Variants in PSIP1 observed in about 807,000 individuals in gnomAD.
PSIP1 encodes the protein PC4 and SFRS1-interacting protein.
Under a neutral mutation model 74.7 loss-of-function variants are expected in PSIP1, and 19 were observed. The ratio of observed to expected loss-of-function variants is 0.25; its 90% CI spans 0.18 to 0.37. PSIP1 has a LOEUF of 0.37. Ranked by LOEUF, PSIP1 falls within the 10% of genes least tolerant of loss-of-function variation. The pLI is 1.00. For missense variants in PSIP1, 601 were observed against 614.3 expected, an observed-to-expected ratio of 0.98 and a Z score of 0.23; for synonymous variants, 222 against 195.3, an observed-to-expected ratio of 1.14 and a Z score of -1.14.
At chr9:15,482,088 G>C (rs1454843535) in intron 6 of PSIP1, among the ~76,000 whole-genome samples, 1 of 151,764 alleles carries the variant, frequency 6.6e-6, no homozygotes, top group East Asian at 1.9e-4. Context: ...CCCCTTTCTA[G>C]CTCTACCAGC....
chr9:15,510,600 C>A (rs951726721), intron 1 of PSIP1, among the ~76,000 whole-genome samples: 1 of 152,042 alleles, frequency 6.6e-6, no homozygotes, highest in Non-Finnish European at 1.5e-5. Context: ...CGAGCTTAAG[C>A]CCCAAAAGGG....
intron 10 of PSIP1, chr9:15,470,863 T>G (rs1047618951): frequency 1.5e-5 from 16 of 1,064,538 alleles, no homozygotes; most frequent in Non-Finnish European, 1.8e-5. Context: ...TCTAGATGAA[T>G]AATGTACAAC....
At chr9:15,469,173 C>T in intron 12 of PSIP1, 93 bp downstream of exon 12, 1 of 1,317,464 alleles carries the variant, frequency 7.6e-7, no homozygotes. Context: ...AGTAATTATC[C>T]CTTAAATTTA....
At chr9:15,478,076 G>A (rs1351721845) in intron 8 of PSIP1, among the ~76,000 whole-genome samples, 1 of 148,116 alleles carries the variant, frequency 6.8e-6, no homozygotes, top group Non-Finnish European at 1.5e-5. Flanking sequence ...GTTACAGTGT[G>A]CGATTGCAGC....
chr9:15,488,784 G>A (rs2036674963), intron 4 of PSIP1, among the ~76,000 whole-genome samples: 1 of 150,756 alleles, frequency 6.6e-6, no homozygotes. Flanking sequence ...CACTCTGGGG[G>A]GCCGAGGCGG....
At chr9:15,508,577 T>C (rs955951313) in intron 2 of PSIP1, among the ~76,000 whole-genome samples, 6 of 152,200 alleles carry the variant, frequency 3.9e-5, no homozygotes, top group African/African-American at 1.4e-4. Context: ...AACTTCACTG[T>C]GGCATGCAAA....
intron 6 of PSIP1, among the ~76,000 whole-genome samples, chr9:15,483,940 C>T (rs1351019142): frequency 6.6e-6 from 1 of 151,948 alleles, no homozygotes; most frequent in Non-Finnish European, 1.5e-5. Flanking sequence ...CCAGCCTGGC[C>T]ACCATGGTGA....
intron 2 of PSIP1, among the ~76,000 whole-genome samples, chr9:15,506,867 A>G (rs1041697339): frequency 6.6e-6 from 1 of 152,180 alleles, no homozygotes; most frequent in African/African-American, 2.4e-5. Context: ...GGTATCAGTC[A>G]TTTCTTTTAT....
At chr9:15,465,674 T>A (rs1165387574) in intron 15 of PSIP1, 94 bp from the exon 16 acceptor site, 1 of 1,002,500 alleles carries the variant, frequency 1.0e-6, no homozygotes, top group Non-Finnish European at 1.5e-6. Context: ...TTTAAACCCA[T>A]GAAAAGACTG....
chr9:15,483,319 GACCTTAGAGCC>G (rs2036417515), intron 6 of PSIP1, among the ~76,000 whole-genome samples: 1 of 151,952 alleles, frequency 6.6e-6, no homozygotes, highest in African/African-American at 2.4e-5. Context: ...TTCAAGTAAA[GACCTTAGAGCC>G]ACCTTAGATT....
intron 10 of PSIP1, chr9:15,471,846 A>G: frequency 2.1e-6 from 2 of 969,346 alleles, no homozygotes; most frequent in Non-Finnish European, 2.5e-6. Flanking sequence ...CATGTTTTAA[A>G]AATCACCTCA....
In PSIP1 at chr9:15,472,654, C is replaced by G. The variant is rs2035890529; in HGVS notation, c.955G>C (p.Glu319Gln). 6.2e-7 allele frequency: 1 copy of G among 1,603,018 alleles called. No homozygotes were observed. Among genetic ancestry groups the G allele is most frequent in the African/African-American group, 1.4e-5 (1 of 73,954 alleles). Residue 319 changes from glutamate (E) to glutamine (Q), a missense_variant, in exon 10 of 16, where the codon GAG (glutamate) becomes CAG (glutamine). Physicochemically the swap from Glu to Gln is conservative, Grantham distance 29 (BLOSUM62 2). Around this residue, in one of 2 missense-constraint regions of PSIP1, gnomAD observed 538 missense variants for 507.6 expected, o/e 1.06. Transcript: ENST00000380733. ...KEAADRKRKQ[E>Q]EQMETEQQNK... Reference sequence around the variant, plus strand: ...TACTGCTCAGTTTCCATTTGTTCCTCTTGCTTGCGTTTTCGATCTGCTGCT... The same window carrying G: ...TACTGCTCAGTTTCCATTTGTTCCTGTTGCTTGCGTTTTCGATCTGCTGCT...
At chr9:15,468,896 A>C (rs1587454255) in intron 13 of PSIP1, 53 bp from the exon 14 acceptor site, 1 of 1,603,192 alleles carries the variant, frequency 6.2e-7, no homozygotes. Context: ...GATTTTTTAA[A>C]CAATTTTTAA....
chr9:15,470,174 AT>A (rs1476720609), intron 10 of PSIP1, among the ~76,000 whole-genome samples, 181 bp from the exon 11 acceptor site: 1 of 152,098 alleles, frequency 6.6e-6, no homozygotes, highest in Non-Finnish European at 1.5e-5. Flanking sequence ...CAAAACTCTA[AT>A]TAACATGCTA....
chr9:15,501,548 A>G (rs917516463), intron 3 of PSIP1, among the ~76,000 whole-genome samples: 1 of 152,160 alleles, frequency 6.6e-6, no homozygotes, highest in African/African-American at 2.4e-5. Context: ...GCTTATTTTT[A>G]CAATAGAAAA....
At chr9:15,488,891 G>T (rs933692005) in intron 4 of PSIP1, among the ~76,000 whole-genome samples, 2 of 151,836 alleles carry the variant, frequency 1.3e-5, no homozygotes, top group Admixed American at 6.6e-5. Context: ...TGTGGTGGCG[G>T]GCACCTGTAG....
At chr9:15,502,515 CCT>C (rs2037394906) in intron 3 of PSIP1, among the ~76,000 whole-genome samples, 1 of 152,156 alleles carries the variant, frequency 6.6e-6, no homozygotes, top group Non-Finnish European at 1.5e-5. Context: ...ATCAAGGGAT[CCT>C]CCTGCCTCAG....
chr9:15,497,882 A>G (rs1041503751), intron 3 of PSIP1, among the ~76,000 whole-genome samples: 2 of 152,232 alleles, frequency 1.3e-5, no homozygotes, highest in South Asian at 2.1e-4. Context: ...ATATACATAT[A>G]TAACTATGCA....
chr9:15,471,860 AAAC>A lies in PSIP1; in HGVS notation c.977+769_977+771del, dbSNP rs747888792. ...GCATGTTTTAAAAATCACCTCACTA[AAAC>A]AACAACAAAAAAACAAAATTTAGTC... On this transcript the variant is annotated intron_variant, in intron 10 of 15. Coordinates refer to ENST00000380733, the MANE Select transcript of PSIP1 (RefSeq NM_033222.5). 7.6e-5 allele frequency: 74 copies of A among 978,022 alleles called. No individual in the cohort carries two copies. The East Asian group carries it at 1.3e-3, about 17-fold the overall frequency. 60.6% of individuals were successfully genotyped at this position (978,022 alleles called of 1,614,324 possible). A position where few individuals can be genotyped will look rare whatever the true frequency, so the allele number is the denominator to read the frequency against.
Sources: allele counts gnomAD v4.1 joint callset (sites outside exome capture counted in the v4.1 genomes callset), GRCh38; gene constraint gnomAD v4.1.1; regional missense constraint gnomAD v4.1.1; transcripts MANE v1.5; gene names NCBI Gene and HGNC (gene_info 2026-07-23, HGNC 2026-07-21).